MTMR7: variants seen among roughly 807,000 people sequenced by gnomAD.
The protein encoded by MTMR7 is phosphatidylinositol-3-phosphate phosphatase MTMR7.
In MTMR7, 76 loss-of-function variants were observed where a neutral mutation model predicts 81.2. That is an observed-to-expected ratio of 0.94 (90% CI 0.78 to 1.13). The LOEUF (loss-of-function observed/expected upper bound fraction) is 1.13, where lower values mean the gene tolerates loss of function less well. Ranked by LOEUF, MTMR7 falls within the 50% of genes most tolerant of loss-of-function variation. MTMR7 has a pLI of 0.00. For missense variants in MTMR7, 1,044 were observed against 820.0 expected (o/e 1.27, Z -3.34); for synonymous variants, 372 against 289.8 (o/e 1.28, Z -2.88).
chr8:17,401,644 T>C (rs1262844408), intron 1 of MTMR7, among the ~76,000 whole-genome samples: 2 of 152,076 alleles, frequency 1.3e-5, no homozygotes, highest in East Asian at 1.9e-4. Context: ...ATAACCTGGA[T>C]ATATTTTAAA....
rs4557739 is a variant in MTMR7, at chr8:17,366,524, T to A, written c.310+4513A>T. On this transcript the variant is annotated intron_variant, in intron 3 of 13. Transcript: ENST00000180173. ...GACACAGAGATGTGAGCATTTTTTT[T>A]AATAACCAAAGTAACTACTGAAAGC... is the stretch of plus-strand genomic sequence containing the variant. Among the ~76,000 whole-genome samples, 3,941 of 152,138 alleles carry A rather than the reference T, an allele frequency of 0.026. 450 individuals are homozygous for A. In the East Asian group the frequency reaches 0.32, roughly 12 times the overall value.
intron 6 of MTMR7, among the ~76,000 whole-genome samples, chr8:17,331,953 T>A (rs1319715916): frequency 2.0e-5 from 3 of 152,222 alleles, no homozygotes; most frequent in Non-Finnish European, 4.4e-5. Flanking sequence ...GGTCTCCAAG[T>A]GCAAACTAGG....
Position 17,384,748 on chromosome 8 carries a change from C to T in MTMR7, c.25-11508G>A, listed in dbSNP as rs111296163. On this transcript the variant is annotated intron_variant, in intron 1 of 13. Transcript: ENST00000180173. The stretch of plus-strand genomic sequence containing the variant: ...AGTTACTGAAACAAAAGGTGGCAAC[C>T]ATGAAGCTTCAGGAGTTTTTAAATT... Among the ~76,000 whole-genome samples the T allele has an allele frequency of 3.5e-3, 538 of 152,252 alleles. 2 individuals carry two copies. Among genetic ancestry groups the T allele is most frequent in the African/African-American group, 0.012 (514 of 41,536 alleles).
chr8:17,389,037 A>AT (rs1390303398), intron 1 of MTMR7, among the ~76,000 whole-genome samples: 2 of 152,200 alleles, frequency 1.3e-5, no homozygotes, highest in Non-Finnish European at 2.9e-5. Flanking sequence ...CTGAGGCCCA[A>AT]TAAGCAAAGC....
intron 1 of MTMR7, among the ~76,000 whole-genome samples, chr8:17,394,776 G>C (rs1821202130): frequency 6.6e-6 from 1 of 152,060 alleles, no homozygotes; most frequent in Non-Finnish European, 1.5e-5. Flanking sequence ...TCTGACATCA[G>C]ACCCACAATG....
chr8:17,315,776 C>CCAAGT (rs1818034088), intron 7 of MTMR7, among the ~76,000 whole-genome samples: 1 of 151,996 alleles, frequency 6.6e-6, no homozygotes, highest in African/African-American at 2.4e-5. Flanking sequence ...CTTTGAGAGG[C>CCAAGT]CAAGTCAGAA....
intron 5 of MTMR7, among the ~76,000 whole-genome samples, chr8:17,342,495 G>C (rs1312872559): frequency 2.6e-5 from 4 of 152,126 alleles, no homozygotes; most frequent in African/African-American, 9.7e-5. Flanking sequence ...TCCATGAAGG[G>C]GCACCCCAAC....
intron 7 of MTMR7, among the ~76,000 whole-genome samples, chr8:17,327,621 C>T (rs1818753648): frequency 7.4e-6 from 1 of 135,356 alleles, no homozygotes; most frequent in East Asian, 2.2e-4. Context: ...TGGATTAGTC[C>T]CTAAGAGGAA....
chr8:17,297,161 A>C lies in MTMR7; in HGVS notation c.*2701T>G, dbSNP rs1447212711. 23 of 152,246 alleles carry C rather than the reference A, an allele frequency of 1.5e-4. No individual in the cohort carries two copies. 9.4% of individuals were successfully genotyped at this position (152,246 alleles called of 1,614,324 possible). On this transcript the variant is annotated 3_prime_UTR_variant, in exon 14 of 14. Transcript: ENST00000180173. ...GTATTCTGATTTTACAAGATGAGAT[A>C]GAAATCAGAATTAAAGAGGAATACT...
At chr8:17,310,190 G>A (rs988065930) in intron 9 of MTMR7, among the ~76,000 whole-genome samples, 1 of 151,672 alleles carries the variant, frequency 6.6e-6, no homozygotes, top group East Asian at 1.9e-4. Context: ...TTATAGAGAC[G>A]AGGTCTCGCC....
chr8:17,350,843 T>C (rs1241095823), intron 4 of MTMR7, among the ~76,000 whole-genome samples: 4 of 152,202 alleles, frequency 2.6e-5, no homozygotes, highest in African/African-American at 9.7e-5. Flanking sequence ...AAAGTCTAAT[T>C]TCAGGGTTCT....
intron 1 of MTMR7, among the ~76,000 whole-genome samples, chr8:17,374,960 G>C (rs1356121717): frequency 1.3e-5 from 2 of 152,028 alleles, no homozygotes; most frequent in Non-Finnish European, 2.9e-5. Flanking sequence ...GTGGTGCCCG[G>C]CACCTATAAT....
intron 10 of MTMR7, 129 bp from the exon 11 acceptor site, chr8:17,306,086 C>T: frequency 1.4e-6 from 1 of 725,778 alleles, no homozygotes; most frequent in Non-Finnish European, 2.2e-6. Flanking sequence ...CTTGGAATGA[C>T]AAAAAAGGTA....
At chr8:17,368,845 G>A in intron 3 of MTMR7, among the ~76,000 whole-genome samples, 1 of 152,132 alleles carries the variant, frequency 6.6e-6, no homozygotes, top group Non-Finnish European at 1.5e-5. Context: ...GAATGACTAT[G>A]ATTTCTTTTA....
chr8:17,357,181 G>C (rs1819920914), intron 4 of MTMR7, among the ~76,000 whole-genome samples: 1 of 152,186 alleles, frequency 6.6e-6, no homozygotes, highest in South Asian at 2.1e-4. Context: ...AGTATCAACA[G>C]TTACTAATCT....
chr8:17,327,010 G>A (rs58216794), intron 7 of MTMR7, among the ~76,000 whole-genome samples: 65 of 152,290 alleles, frequency 4.3e-4, no homozygotes, highest in African/African-American at 1.5e-3. Flanking sequence ...TGCTCTCCTA[G>A]TCTTTCTTCA....
At chr8:17,301,879 C>G in intron 13 of MTMR7, 1 of 425,458 alleles carries the variant, frequency 2.4e-6, no homozygotes, top group Non-Finnish European at 4.1e-6. Context: ...TTTTACTACT[C>G]TCAAATAACA....
intron 1 of MTMR7, among the ~76,000 whole-genome samples, chr8:17,395,283 C>A (rs1026151655): frequency 1.3e-5 from 2 of 152,144 alleles, no homozygotes; most frequent in Non-Finnish European, 2.9e-5. Context: ...TATTCCATTG[C>A]ATGTACATAT....
chr8:17,386,165 C>T (rs1037036542), intron 1 of MTMR7, among the ~76,000 whole-genome samples: 5 of 152,144 alleles, frequency 3.3e-5, no homozygotes, highest in African/African-American at 1.2e-4. Flanking sequence ...TGCTTGAGCC[C>T]AGGAGTTAGA....
Sources: allele counts gnomAD v4.1 joint callset (sites outside exome capture counted in the v4.1 genomes callset), GRCh38; gene constraint gnomAD v4.1.1; transcripts MANE v1.5; gene names NCBI Gene and HGNC (gene_info 2026-07-23, HGNC 2026-07-21).